Variants in PATJ observed in about 807,000 individuals in gnomAD.
PATJ encodes inaD-like protein.
A neutral mutation model predicts 224.9 loss-of-function variants in PATJ; 190 were observed. The ratio of observed to expected loss-of-function variants is 0.84; its 90% CI spans 0.75 to 0.95. The LOEUF (loss-of-function observed/expected upper bound fraction) is 0.95. Among genes scored for constraint, PATJ ranks in the 40% least tolerant of loss-of-function variants. The pLI is 0.00. For missense variants in PATJ, 2,121 were observed against 2,270.3 expected, an observed-to-expected ratio of 0.93 and a Z score of 1.34; for synonymous variants, 769 against 820.3, an observed-to-expected ratio of 0.94 and a Z score of 1.07.
chr1:62,150,679 G>GAAAAAAAAAAAAAAAAAAAAAAA (rs56167585), intron 42 of PATJ, among the ~76,000 whole-genome samples: 1 of 82,008 alleles, frequency 1.2e-5, no homozygotes, highest in Non-Finnish European at 2.2e-5. Flanking sequence ...CCTGTCTCAA[G>GAAAAAAAAAAAAAAAAAAAAAAA]AAAAAAAAAA....
chr1:61,826,576 T>C (rs910510875), intron 15 of PATJ, among the ~76,000 whole-genome samples: 5 of 152,162 alleles, frequency 3.3e-5, no homozygotes, highest in Non-Finnish European at 7.3e-5. Flanking sequence ...GCTCAAGTTA[T>C]ATATATGAAA....
intron 30 of PATJ, among the ~76,000 whole-genome samples, chr1:62,042,729 C>G (rs1238648584): frequency 6.6e-6 from 1 of 152,182 alleles, no homozygotes; most frequent in African/African-American, 2.4e-5. Context: ...TCACTACAGC[C>G]TCAAACTCCT....
At chr1:61,798,201 A>C (rs1446093315) in intron 11 of PATJ, among the ~76,000 whole-genome samples, 2 of 151,174 alleles carry the variant, frequency 1.3e-5, no homozygotes, top group African/African-American at 4.9e-5. Context: ...ACGTATTTGT[A>C]TTTTATTTTT....
intron 27 of PATJ, among the ~76,000 whole-genome samples, chr1:61,948,711 T>G (rs1370146087): frequency 9.9e-5 from 15 of 152,228 alleles, no homozygotes; most frequent in Non-Finnish European, 2.2e-4. Flanking sequence ...ATCCCATTAC[T>G]GGGCATATAC....
intron 27 of PATJ, among the ~76,000 whole-genome samples, chr1:61,986,563 G>T (rs1379534394): frequency 3.3e-5 from 5 of 152,124 alleles, no homozygotes; most frequent in Admixed American, 3.3e-4. Flanking sequence ...AAAATTATAG[G>T]CGCGTGCCGC....
chr1:62,099,580 A>G (rs1410887803), intron 33 of PATJ, among the ~76,000 whole-genome samples: 1 of 151,938 alleles, frequency 6.6e-6, no homozygotes, highest in Non-Finnish European at 1.5e-5. Context: ...TGAGTATGGC[A>G]AAGATTGAGT....
chr1:62,021,413 G>A lies in PATJ; in HGVS notation c.3959+3466G>A, dbSNP rs78727785. 5.0e-3 allele frequency among the ~76,000 whole-genome samples: 762 copies of A among 152,246 alleles called. 6 individuals carry two copies. Among genetic ancestry groups the A allele is most frequent in the African/African-American group, 0.017 (725 of 41,548 alleles). On this transcript the variant is annotated intron_variant, in intron 29 of 43. Transcript: ENST00000642238. ...TTGAGGGGACACAAACATTCAGACT[G>A]TAGCACAAACCTTTCCTGCATGGTC...
intron 28 of PATJ, among the ~76,000 whole-genome samples, chr1:61,998,752 T>C (rs977437735): frequency 6.6e-6 from 1 of 152,190 alleles, no homozygotes; most frequent in Admixed American, 6.5e-5. Flanking sequence ...ATGTAAAACC[T>C]AGTTCGTATC....
At chr1:62,084,692 T>C in intron 33 of PATJ, 44 bp downstream of exon 33, 1 of 1,598,186 alleles carries the variant, frequency 6.3e-7, no homozygotes, top group Non-Finnish European at 8.5e-7. Context: ...ATAGAACTAG[T>C]TGTTGAGGTT....
intron 35 of PATJ, among the ~76,000 whole-genome samples, chr1:62,115,386 A>T (rs1212605735): frequency 6.6e-6 from 1 of 151,902 alleles, no homozygotes; most frequent in Non-Finnish European, 1.5e-5. Context: ...TAATCCCAAC[A>T]CTTTGGGAAG....
At chr1:62,107,074 AGGCG>A (rs1178413499) in intron 33 of PATJ, among the ~76,000 whole-genome samples, 1 of 151,884 alleles carries the variant, frequency 6.6e-6, no homozygotes, top group Non-Finnish European at 1.5e-5. Context: ...CTGGGAGGTG[AGGCG>A]GGCGGATCAC....
At chr1:61,999,118 T>C (rs1645589362) in intron 28 of PATJ, among the ~76,000 whole-genome samples, 2 of 151,974 alleles carry the variant, frequency 1.3e-5, no homozygotes, top group African/African-American at 4.8e-5. Flanking sequence ...GCGACAGGAA[T>C]GTATGCTGGG....
chr1:62,021,354 T>G (rs1647069547), intron 29 of PATJ, among the ~76,000 whole-genome samples: 1 of 152,276 alleles, frequency 6.6e-6, no homozygotes, highest in East Asian at 1.9e-4. Context: ...TATTAATACC[T>G]TCATGTTGGT....
intron 27 of PATJ, among the ~76,000 whole-genome samples, chr1:61,985,588 C>G (rs989172911): frequency 3.9e-5 from 6 of 152,022 alleles, no homozygotes; most frequent in Non-Finnish European, 7.4e-5. Flanking sequence ...TTTGATTCTA[C>G]ACTTGACTAG....
intron 41 of PATJ, among the ~76,000 whole-genome samples, chr1:62,147,012 T>C (rs77074483): frequency 6.6e-6 from 1 of 152,076 alleles, no homozygotes; most frequent in African/African-American, 2.4e-5. Context: ...GTCCCATAGA[T>C]GTCTATGGAC....
intron 22 of PATJ, among the ~76,000 whole-genome samples, chr1:61,894,540 C>T (rs1267555615): frequency 1.3e-5 from 2 of 152,188 alleles, no homozygotes; most frequent in Non-Finnish European, 2.9e-5. Context: ...GTTTCCCCTA[C>T]ACTGTCTCTT....
intron 1 of PATJ, among the ~76,000 whole-genome samples, chr1:61,755,956 C>A (rs1645615980): frequency 6.6e-6 from 1 of 152,106 alleles, no homozygotes; most frequent in Non-Finnish European, 1.5e-5. Flanking sequence ...CACCTGCCAC[C>A]ACACCAAGCT....
At chr1:61,905,632 T>A (rs1440502355) in intron 24 of PATJ, among the ~76,000 whole-genome samples, 1 of 152,192 alleles carries the variant, frequency 6.6e-6, no homozygotes, top group East Asian at 1.9e-4. Flanking sequence ...ATTACTGGGT[T>A]TTATGGTAAT....
intron 19 of PATJ, among the ~76,000 whole-genome samples, chr1:61,862,342 G>A (rs1245935342): frequency 2.6e-5 from 4 of 151,612 alleles, no homozygotes; most frequent in South Asian, 2.1e-4. Flanking sequence ...GACTACAGGC[G>A]TGCGCCACCA....
Sources: allele counts gnomAD v4.1 joint callset (sites outside exome capture counted in the v4.1 genomes callset), GRCh38; gene constraint gnomAD v4.1.1; transcripts MANE v1.5; gene names NCBI Gene and HGNC (gene_info 2026-07-23, HGNC 2026-07-21).